Variants in CYLD observed in about 807,000 individuals in gnomAD.
CYLD encodes the protein CYLD lysine 63 deubiquitinase.
A neutral mutation model predicts 104.5 loss-of-function variants in CYLD; 26 were observed. The ratio of observed to expected loss-of-function variants is 0.25; its 90% CI spans 0.18 to 0.35. The LOEUF (loss-of-function observed/expected upper bound fraction) is 0.35. Among genes scored for constraint, CYLD ranks in the 10% least tolerant of loss-of-function variants. CYLD has a pLI of 1.00. For synonymous variants in CYLD, 385 were observed against 399.9 expected, an observed-to-expected ratio of 0.96 and a Z score of 0.45; for missense variants, 703 against 1,136.1, an observed-to-expected ratio of 0.62 and a Z score of 5.48.
chr16:50,770,313 C>T (rs889728856), intron 5 of CYLD, among the ~76,000 whole-genome samples: 1 of 152,064 alleles, frequency 6.6e-6, no homozygotes, highest in Non-Finnish European at 1.5e-5. Context: ...GATGTTGTCC[C>T]TATTTTTAAT....
intron 5 of CYLD, among the ~76,000 whole-genome samples, chr16:50,774,579 T>C (rs1280154924): frequency 2.0e-5 from 3 of 152,232 alleles, no homozygotes; most frequent in Non-Finnish European, 2.9e-5. Flanking sequence ...ACTGTGATAC[T>C]GCAATAGTTG....
intron 7 of CYLD, 35 bp downstream of exon 7, chr16:50,776,312 G>A (rs1969679527): frequency 7.3e-7 from 1 of 1,374,364 alleles, no homozygotes; most frequent in East Asian, 2.3e-5. Flanking sequence ...TTAGTAATTT[G>A]CATAATGCCT....
intron 2 of CYLD, 70 bp downstream of exon 2, chr16:50,742,911 G>GCC: frequency 6.7e-6 from 1 of 150,342 alleles, no homozygotes; most frequent in Non-Finnish European, 1.4e-5. Context: ...GGGGGCGGGG[G>GCC]CGAAGTCATG....
intron 17 of CYLD, 84 bp downstream of exon 17, chr16:50,793,748 G>A: frequency 7.3e-6 from 7 of 964,110 alleles, no homozygotes; most frequent in South Asian, 2.6e-5. Context: ...GTTTTGGAAA[G>A]TTTTTTAAAA....
In CYLD at chr16:50,756,855, A is replaced by C. The variant is rs376753546; in HGVS notation, c.913+2431A>C. ...GGATGGACAACAATTACCAAAATCA[A>C]AGTAAATAGTAGAGCCAGAATTTAA... is the stretch of plus-strand genomic sequence containing the variant. On this transcript the variant is annotated intron_variant, in intron 5 of 18. Coordinates refer to ENST00000427738, the MANE Select transcript of CYLD (RefSeq NM_001378743.1). Among the ~76,000 whole-genome samples, 99 of 152,314 alleles carry C rather than the reference A, an allele frequency of 6.5e-4. 1 individual carries two copies. Among genetic ancestry groups the C allele is most frequent in the African/African-American group, 1.9e-3 (78 of 41,548 alleles).
chr16:50,770,417 C>G (rs1969016324), intron 5 of CYLD, among the ~76,000 whole-genome samples: 1 of 151,192 alleles, frequency 6.6e-6, no homozygotes, highest in African/African-American at 2.4e-5. Context: ...GTTCCGTGTA[C>G]TCACTGTCAT....
At chr16:50,784,807 C>A in intron 12 of CYLD, 1 of 256,284 alleles carries the variant, frequency 3.9e-6, no homozygotes, top group Non-Finnish European at 7.7e-6. Flanking sequence ...AGTAATCATG[C>A]TTATTAGTTA....
intron 2 of CYLD, among the ~76,000 whole-genome samples, chr16:50,746,340 G>A (rs925361450): frequency 6.6e-6 from 1 of 152,190 alleles, no homozygotes; most frequent in Non-Finnish European, 1.5e-5. Flanking sequence ...GCCTGGCCGA[G>A]AATATTAGTG....
chr16:50,746,246 C>A (rs1567417350), intron 2 of CYLD, among the ~76,000 whole-genome samples: 1 of 152,200 alleles, frequency 6.6e-6, no homozygotes, highest in African/African-American at 2.4e-5. Context: ...CTGTGTTGCA[C>A]AGGCTGGTCT....
chr16:50,750,350 G>A, intron 3 of CYLD, 148 bp downstream of exon 3: 2 of 956,914 alleles, frequency 2.1e-6, no homozygotes, highest in African/African-American at 1.6e-5. Flanking sequence ...CATCCTTGCT[G>A]ATGAATCCAT....
intron 2 of CYLD, 125 bp from the exon 3 acceptor site, chr16:50,749,451 T>A: frequency 1.7e-6 from 1 of 573,830 alleles, no homozygotes; most frequent in South Asian, 2.4e-5. Context: ...CATTTGTGTG[T>A]ATGTGTTTAC....
chr16:50,784,395 A>G lies in CYLD; in HGVS notation c.1893A>G (p.Glu631=), dbSNP rs757851214. ...LLRPKEKNDV[E]YYSETQELLR... is the part of the protein sequence containing the mutation. Reference sequence around the variant, plus strand: ...GACCCAAAGAAAAGAACGATGTAGAATATTATAGTGAAACCCAAGAGCTAC... The same window carrying G: ...GACCCAAAGAAAAGAACGATGTAGAGTATTATAGTGAAACCCAAGAGCTAC... Residue 631 remains glutamate, a synonymous_variant, in exon 12 of 19, where the codon GAA becomes GAG. Transcript: ENST00000427738. 1.9e-6 allele frequency: 3 copies of G among 1,613,384 alleles called. No individual in the cohort carries two copies.
At position 50,792,775 on chromosome 16, in the gene CYLD, T is replaced by G. The variant is rs1971554038; in HGVS notation, c.2350+70T>G. The G allele has an allele frequency of 4.9e-6, 4 of 820,468 alleles. No homozygotes were observed. The Admixed American group carries it at 8.2e-5, about 17-fold the overall frequency. The allele number at this position is 820,468 out of a possible 1,614,324, so 50.8% of individuals were successfully genotyped here. On this transcript the variant is annotated intron_variant, in intron 16 of 18. Coordinates refer to ENST00000427738, the MANE Select transcript of CYLD (RefSeq NM_001378743.1). ...ATTGTCAGATAATTCTCATCAGTTG[T>G]GGGTTAGACTCTAACTGGACACAGT...
rs115042932 is a variant in CYLD at position 50,795,975 on chromosome 16, C to G, written c.2687-349C>G. Among the ~76,000 whole-genome samples, 1,258 of 152,212 alleles carry G rather than the reference C, an allele frequency of 8.3e-3. 15 individuals carry two copies. Among genetic ancestry groups the G allele is most frequent in the African/African-American group, 0.026 (1,068 of 41,516 alleles). ...TTGGACAGTCTTATGGTGAAGTGTG[C>G]TGGGTGGCTTGTGTCTGGGAGGAAA... is the stretch of plus-strand genomic sequence containing the variant. On this transcript the variant is annotated intron_variant, in intron 18 of 18. Transcript: ENST00000427738.
At chr16:50,751,511 C>T in intron 3 of CYLD, 93 bp from the exon 4 acceptor site, 5 of 1,038,334 alleles carry the variant, frequency 4.8e-6, no homozygotes, top group South Asian at 3.2e-5. Context: ...AGAAATTTTC[C>T]AGAGTGATTT....
intron 15 of CYLD, 56 bp downstream of exon 15, chr16:50,791,746 T>A (rs1971453697): frequency 6.3e-7 from 1 of 1,576,224 alleles, no homozygotes; most frequent in Admixed American, 1.7e-5. Context: ...GTCTTAAGAC[T>A]ATTGGTAGTT....
chr16:50,763,347 T>A (rs1045938679), intron 5 of CYLD, among the ~76,000 whole-genome samples: 10 of 152,214 alleles, frequency 6.6e-5, no homozygotes, highest in African/African-American at 2.4e-4. Context: ...TACAAGTTGT[T>A]GTGTGGACAT....
intron 2 of CYLD, among the ~76,000 whole-genome samples, chr16:50,747,913 A>G (rs1180672233): frequency 6.6e-6 from 1 of 152,194 alleles, no homozygotes; most frequent in Non-Finnish European, 1.5e-5. Flanking sequence ...TGGCTAAACC[A>G]CATGTCTCAT....
rs1396798908 is a variant in CYLD, at chr16:50,794,277, C to T, written c.2535C>T (p.Pro845=). ...CAGTGTCACTTCCCAAAGACTTACC[C>T]GACTGGGACTGGAGACACGGCTGCA... ...YNPVSLPKDL[P]DWDWRHGCIP... The change falls in exon 18 of 19, where the codon CCC becomes CCT. Residue 845 remains proline (P), a synonymous_variant. Transcript: ENST00000427738. The surrounding 1 kb of genome is among the most constrained non-coding windows in gnomAD (Gnocchi z 4.1). 3.7e-6 allele frequency: 6 copies of T among 1,614,010 alleles called. No individual in the cohort carries two copies. The highest frequency in any genetic ancestry group is 1.6e-4 in the Middle Eastern group (1 of 6,084).
Sources: allele counts gnomAD v4.1 joint callset (sites outside exome capture counted in the v4.1 genomes callset), GRCh38; gene constraint gnomAD v4.1.1; non-coding constraint Gnocchi (gnomAD v3.1); transcripts MANE v1.5; gene names NCBI Gene and HGNC (gene_info 2026-07-23, HGNC 2026-07-21).